Variants in RAD51AP2 observed in about 807,000 individuals in gnomAD.
RAD51AP2 encodes the protein RAD51-associated protein 2.
A neutral mutation model predicts 85.5 loss-of-function variants in RAD51AP2; 67 were observed. The observed-to-expected ratio is 0.78, with a 90% CI of 0.64 to 0.96. The LOEUF is 0.96. Among genes scored for constraint, RAD51AP2 ranks in the 40% least tolerant of loss-of-function variants. The pLI is 0.00. For synonymous variants in RAD51AP2, 474 were observed against 446.5 expected (o/e 1.06, Z -0.78); for missense variants, 1,307 against 1,332.4 (o/e 0.98, Z 0.30).
chr2:17,535,726 G>T, the RAD51AP2 span, among the ~76,000 whole-genome samples: 1 of 152,000 alleles, frequency 6.6e-6, no homozygotes, highest in African/African-American at 2.4e-5. Context: ...GAGGCAGAGG[G>T]GCAGGGGAGA....
At chr2:17,532,438 T>G in the RAD51AP2 span, among the ~76,000 whole-genome samples, 1 of 152,062 alleles carries the variant, frequency 6.6e-6, no homozygotes, top group South Asian at 2.1e-4. Context: ...TGTGTCTGTG[T>G]TTTTTCTCTT....
chr2:17,518,641 T>C (rs1662784327), upstream of RAD51AP2, among the ~76,000 whole-genome samples: 6 of 150,556 alleles, frequency 4.0e-5, no homozygotes, highest in Admixed American at 4.0e-4. Flanking sequence ...GCGCCCCGGT[T>C]GTCTCACCAC....
At chr2:17,515,132 T>C (rs752342457) in intron 1 of RAD51AP2, 37 bp downstream of exon 1, 60 of 1,483,612 alleles carry the variant, frequency 4.0e-5, no homozygotes, top group Non-Finnish European at 5.4e-5. Context: ...GTAATTTTTC[T>C]AGCATGAGAA....
In RAD51AP2 at chr2:17,517,312, A is replaced by C. The variant is rs1361460467; in HGVS notation, c.1104T>G (p.Ala368=). 1 of 1,614,064 alleles carries C rather than the reference A, an allele frequency of 6.2e-7. No homozygotes were observed. Among genetic ancestry groups the C allele is most frequent in the Admixed American group, 1.7e-5 (1 of 60,010 alleles). The change falls in exon 1 of 3, where the codon GCT becomes GCG. Residue 368 remains alanine (A), a synonymous_variant. Coordinates refer to ENST00000399080, the MANE Select transcript of RAD51AP2 (RefSeq NM_001099218.3). The stretch of plus-strand genomic sequence containing the variant: ...CCTCCCAATTTGCATTTTCTAGTAT[A>C]GCGAAATTCTTTCTAGAGTCTCTTA... ...CNVRDSRKNF[A]ILENANWEEA...
At chr2:17,536,495 G>C in the RAD51AP2 span, among the ~76,000 whole-genome samples, 8 of 152,276 alleles carry the variant, frequency 5.3e-5, no homozygotes, top group African/African-American at 1.9e-4. Context: ...AGAGAAAATG[G>C]AATAAAGTAT....
chr2:17,520,827 A>G (rs1662841844), upstream of RAD51AP2, among the ~76,000 whole-genome samples: 1 of 149,334 alleles, frequency 6.7e-6, no homozygotes, highest in African/African-American at 2.5e-5. Context: ...TCTTTTATGT[A>G]TGTTCTCAAA....
chr2:17,515,820 GA>G lies in RAD51AP2; in HGVS notation c.2595del (p.Pro866GlnfsTer13). 3 of 1,606,486 alleles carry G rather than the reference GA, an allele frequency of 1.9e-6. No homozygotes were observed. Among genetic ancestry groups the G allele is most frequent in the East Asian group, 2.2e-5 (1 of 44,762 alleles). On this transcript the variant is annotated frameshift_variant, in exon 1 of 3. Coordinates refer to ENST00000399080, the MANE Select transcript of RAD51AP2 (RefSeq NM_001099218.3). LOFTEE classifies it high-confidence loss of function. ...KIEKEEKDSF[F>X]PMDDMFSVQS... is the part of the protein sequence containing the mutation. ...TGTACAGAAAACATGTCATCCATTG[GA>G]AAAAAACTATCTTTCTCTTCCTTTT...
the RAD51AP2 span, among the ~76,000 whole-genome samples, chr2:17,525,718 C>A: frequency 0.029 from 4,468 of 152,118 alleles, 66 homozygotes; most frequent in Middle Eastern, 0.054. Context: ...TCAACTTCCA[C>A]AAGCTAATCC....
the RAD51AP2 span, among the ~76,000 whole-genome samples, chr2:17,523,771 G>A: frequency 6.6e-6 from 1 of 151,830 alleles, no homozygotes; most frequent in African/African-American, 2.4e-5. Context: ...TTATAGTTTC[G>A]TGATTTCAGA....
At chr2:17,528,891 G>C in the RAD51AP2 span, among the ~76,000 whole-genome samples, 9 of 151,966 alleles carry the variant, frequency 5.9e-5, no homozygotes, top group Admixed American at 5.9e-4. Context: ...TTTGTCAGTA[G>C]CAAAAAAGGA....
At chr2:17,514,694 C>T (rs773665234) in intron 1 of RAD51AP2, among the ~76,000 whole-genome samples, 11 of 152,004 alleles carry the variant, frequency 7.2e-5, no homozygotes, top group Non-Finnish European at 1.5e-4. Flanking sequence ...CACTTGAACC[C>T]AGGAGGCAGA....
Position 17,516,759 on chromosome 2 carries a change from T to C in RAD51AP2, c.1657A>G (p.Arg553Gly). ...TTCTTTATATTTGTATTCATGTTTC[T>C]GGTTATTAGATTTTGAATACCAATT... ...GIIGIQNLIT[R>G]NMNTNIKNGI... is the part of the protein sequence containing the mutation. Residue 553 changes from arginine (R) to glycine (G), a missense_variant, in exon 1 of 3, where the codon AGA (arginine) becomes GGA (glycine). Transcript: ENST00000399080. 1 of 1,567,012 alleles carries C rather than the reference T, an allele frequency of 6.4e-7. No individual in the cohort carries two copies. Among genetic ancestry groups the C allele is most frequent in the Non-Finnish European group, 8.7e-7 (1 of 1,152,048 alleles).
At chr2:17,536,019 TA>T in the RAD51AP2 span, among the ~76,000 whole-genome samples, 5,403 of 144,292 alleles carry the variant, frequency 0.037, 304 homozygotes, top group African/African-American at 0.12. Context: ...ACTGTTTGGT[TA>T]AAAAAAAAAA....
At chr2:17,530,797 A>G in the RAD51AP2 span, among the ~76,000 whole-genome samples, 1 of 152,154 alleles carries the variant, frequency 6.6e-6, no homozygotes. Context: ...AAGTCTTAAT[A>G]AAGGCCTATT....
At chr2:17,530,599 A>C in the RAD51AP2 span, among the ~76,000 whole-genome samples, 1 of 149,160 alleles carries the variant, frequency 6.7e-6, no homozygotes, top group Non-Finnish European at 1.5e-5. Context: ...AAAAAAAAAA[A>C]AAAAAAAAAA....
At chr2:17,524,062 A>T in the RAD51AP2 span, among the ~76,000 whole-genome samples, 1 of 151,968 alleles carries the variant, frequency 6.6e-6, no homozygotes, top group Non-Finnish European at 1.5e-5. Flanking sequence ...TTCTAACAAG[A>T]AATATGCATA....
chr2:17,513,161 A>C (rs1662541723), intron 2 of RAD51AP2, among the ~76,000 whole-genome samples: 1 of 151,610 alleles, frequency 6.6e-6, no homozygotes, highest in Non-Finnish European at 1.5e-5. Context: ...TGTTAGACAT[A>C]CTGTGTTTTA....
rs765992931 is a variant in RAD51AP2 at position 17,517,874 on chromosome 2, T to G, written c.542A>C (p.Gln181Pro). 6.2e-7 allele frequency: 1 copy of G among 1,614,180 alleles called. No individual in the cohort carries two copies. Among genetic ancestry groups the G allele is most frequent in the Admixed American group, 1.7e-5 (1 of 60,020 alleles). Residue 181 changes from glutamine to proline, a missense_variant, in exon 1 of 3, where the codon CAA becomes CCA. By Grantham distance (76) the Gln-to-Pro change is moderately conservative. Coordinates refer to ENST00000399080, the MANE Select transcript of RAD51AP2 (RefSeq NM_001099218.3). The part of the protein sequence containing the change: ...RNENRKQQFV[Q>P]GRDNVHKENP... ...TTCTTTGTGAACATTGTCTCTTCCT[T>G]GGACAAACTGTTGTTTTCGATTCTC...
Position 17,516,789 on chromosome 2 carries a change from C to A in RAD51AP2, c.1627G>T (p.Gly543Cys). ...CNILKCKKQIGIIGIQNLITR... is the reference protein window; with the variant it reads ...CNILKCKKQICIIGIQNLITR... The stretch of plus-strand genomic sequence containing the variant: ...ATTAGATTTTGAATACCAATTATAC[C>A]AATTTGCTTTTTACACTTCAAAATG... The change falls in exon 1 of 3, where the codon GGT (glycine) becomes TGT (cysteine). Residue 543 changes from glycine to cysteine, a missense_variant. Coordinates refer to ENST00000399080, the MANE Select transcript of RAD51AP2 (RefSeq NM_001099218.3). 1 of 1,548,304 alleles carries A rather than the reference C, an allele frequency of 6.5e-7. No individual in the cohort carries two copies. Among genetic ancestry groups the A allele is most frequent in the South Asian group, 1.2e-5 (1 of 81,838 alleles).
Sources: allele counts gnomAD v4.1 joint callset (sites outside exome capture counted in the v4.1 genomes callset), GRCh38; gene constraint gnomAD v4.1.1; transcripts MANE v1.5; gene names NCBI Gene and HGNC (gene_info 2026-07-23, HGNC 2026-07-21).